The following SAE1 variants were observed in gnomAD, a reference collection of about 807,000 sequenced individuals.
SAE1 encodes the protein SUMO1 activating enzyme subunit 1.
SAE1 carries 11 observed loss-of-function variants against 40.6 expected under a neutral mutation model. The observed-to-expected ratio is 0.27, with a 90% CI of 0.17 to 0.45. The LOEUF is 0.45. Ranked by LOEUF, SAE1 falls within the 20% of genes least tolerant of loss-of-function variation. The probability of loss-of-function intolerance (pLI) is 1.00; values close to 1 mark genes in which losing one functional copy is unlikely to be tolerated. For missense variants in SAE1, 373 were observed against 427.3 expected (o/e 0.87, Z 1.12); for synonymous variants, 155 against 154.3 (o/e 1.00, Z -0.03).
chr19:47,209,472 T>C lies in SAE1; in HGVS notation c.*221T>C, dbSNP rs2123335572. 1.4e-6 allele frequency: 1 copy of C among 710,750 alleles called. No individual in the cohort carries two copies. The highest frequency in any genetic ancestry group is 2.8e-5 in the East Asian group (1 of 36,064). 44.0% of individuals were successfully genotyped at this position (710,750 alleles called of 1,614,324 possible). ...GGTGGCTGTCTTTGTTCCAGCACTGTTCAGGCTGCCTGTCATCCCGGGCCT... is the reference window on the plus strand; with the variant it reads ...GGTGGCTGTCTTTGTTCCAGCACTGCTCAGGCTGCCTGTCATCCCGGGCCT... On this transcript the variant is annotated 3_prime_UTR_variant, in exon 9 of 9. Transcript: ENST00000270225.
chr19:47,201,366 T>TTTTTTC (rs1358867229), intron 7 of SAE1, among the ~76,000 whole-genome samples: 1 of 72,964 alleles, frequency 1.4e-5, no homozygotes, highest in East Asian at 6.1e-4. Flanking sequence ...GTTCCTTTTT[T>TTTTTTC]TTTTTTTTTT....
rs78826976 is a variant in SAE1, at chr19:47,174,506, C to T, written c.733+4583C>T. ...CCACCTCCCAGGTTTAAGCAATTCTCCTGCCTCAGCCTTCTGAGTAGCTGG... is the reference window on the plus strand; with the variant it reads ...CCACCTCCCAGGTTTAAGCAATTCTTCTGCCTCAGCCTTCTGAGTAGCTGG... On this transcript the variant is annotated intron_variant, in intron 6 of 8. Transcript: ENST00000270225. 1.9e-4 allele frequency among the ~76,000 whole-genome samples: 28 copies of T among 151,346 alleles called. No individual in the cohort carries two copies. The East Asian group carries it at 5.2e-3, about 28-fold the overall frequency.
chr19:47,174,054 G>A (rs2123262312), intron 6 of SAE1, among the ~76,000 whole-genome samples: 1 of 152,086 alleles, frequency 6.6e-6, no homozygotes, highest in Admixed American at 6.6e-5. Context: ...AAAGTGCTGG[G>A]ATTACAGACG....
intron 8 of SAE1, 66 bp from the exon 9 acceptor site, chr19:47,209,093 A>AT (rs145110288): frequency 0.024 from 36,500 of 1,514,118 alleles, 441 homozygotes; most frequent in Non-Finnish European, 0.028. Context: ...TGCTTTTAGA[A>AT]TTTTTTTTTC....
intron 1 of SAE1, among the ~76,000 whole-genome samples, chr19:47,135,060 G>A (rs1368959164): frequency 6.6e-6 from 1 of 152,100 alleles, no homozygotes; most frequent in African/African-American, 2.4e-5. Flanking sequence ...TACATAGTAG[G>A]TGTATACATT....
chr19:47,149,547 T>G (rs969164765), intron 2 of SAE1, among the ~76,000 whole-genome samples: 6 of 152,156 alleles, frequency 3.9e-5, no homozygotes, highest in Non-Finnish European at 7.4e-5. Flanking sequence ...CCCAAATGCT[T>G]ATAGTTGGGC....
In SAE1 at chr19:47,171,561, C is replaced by T. The variant is rs182472860; in HGVS notation, c.733+1638C>T. 1.7e-3 allele frequency among the ~76,000 whole-genome samples: 252 copies of T among 152,250 alleles called. 2 individuals carry two copies. Among genetic ancestry groups the T allele is most frequent in the African/African-American group, 5.9e-3 (247 of 41,560 alleles). On this transcript the variant is annotated intron_variant, in intron 6 of 8. Transcript: ENST00000270225. ...CCACCTCCCAGGTTCAAGCGATTCT[C>T]CTGCCTCAGCATCCTGAGTAGCTGG...
chr19:47,161,660 C>T (rs1034761319), intron 5 of SAE1, among the ~76,000 whole-genome samples: 13 of 152,196 alleles, frequency 8.5e-5, no homozygotes, highest in Non-Finnish European at 1.9e-4. Context: ...CGCTCACCAT[C>T]ATAGACCTAC....
At chr19:47,191,998 G>A (rs1301540200) in intron 6 of SAE1, among the ~76,000 whole-genome samples, 1 of 150,938 alleles carries the variant, frequency 6.6e-6, no homozygotes, top group East Asian at 2.0e-4. Flanking sequence ...AGCTTGCAGT[G>A]AGCCGAGATC....
intron 2 of SAE1, among the ~76,000 whole-genome samples, chr19:47,146,146 T>G (rs1373842984): frequency 6.6e-6 from 1 of 151,982 alleles, no homozygotes; most frequent in Non-Finnish European, 1.5e-5. Flanking sequence ...AGTAGTTTGG[T>G]GTTTTTAGAG....
Position 47,130,952 on chromosome 19 carries a change from G to A in SAE1, c.22G>A (p.Gly8Ser). 6.5e-7 allele frequency: 1 copy of A among 1,550,162 alleles called. No individual in the cohort carries two copies. The highest frequency in any genetic ancestry group is 8.7e-7 in the Non-Finnish European group (1 of 1,146,586). Residue 8 changes from glycine (G) to serine (S), a missense_variant, in exon 1 of 9, where the codon GGC becomes AGC. Transcript: ENST00000270225. Reference sequence around the variant, plus strand: ...CGCCATGGTGGAGAAGGAGGAGGCTGGCGGCGGCATTAGCGAGGAGGAGGC... The same window carrying A: ...CGCCATGGTGGAGAAGGAGGAGGCTAGCGGCGGCATTAGCGAGGAGGAGGC... MVEKEEA[G>S]GGISEEEAAQ...
At chr19:47,164,642 T>A (rs1240577287) in intron 5 of SAE1, among the ~76,000 whole-genome samples, 1 of 124,964 alleles carries the variant, frequency 8.0e-6, no homozygotes, top group Non-Finnish European at 1.7e-5. Flanking sequence ...AATTCACCTT[T>A]TTTTTTTTTT....
rs577800991 is a variant in SAE1 at position 47,132,574 on chromosome 19, G to C, written c.98+1546G>C. 2.6e-5 allele frequency among the ~76,000 whole-genome samples: 4 copies of C among 151,826 alleles called. No homozygotes were observed. The South Asian group carries it at 8.3e-4, about 32-fold the overall frequency. ...TTACAGGCATGAGCTACCATGCCTG[G>C]CCTCATTGATCAATATTTTTACTTA... is the stretch of plus-strand genomic sequence containing the variant. On this transcript the variant is annotated intron_variant, in intron 1 of 8. Transcript: ENST00000270225.
At chr19:47,139,902 A>C (rs1369567360) in intron 1 of SAE1, among the ~76,000 whole-genome samples, 1 of 149,542 alleles carries the variant, frequency 6.7e-6, no homozygotes, top group Non-Finnish European at 1.5e-5. Context: ...TGCCCTGCTG[A>C]ATGTGTATCA....
chr19:47,205,982 G>A (rs763184414), intron 8 of SAE1, among the ~76,000 whole-genome samples: 13 of 152,180 alleles, frequency 8.5e-5, no homozygotes, highest in Non-Finnish European at 1.5e-4. Flanking sequence ...CCCCAGGGCC[G>A]CTGCCCTTGC....
intron 7 of SAE1, among the ~76,000 whole-genome samples, chr19:47,197,921 G>A (rs1322245380): frequency 6.6e-6 from 1 of 152,198 alleles, no homozygotes; most frequent in Non-Finnish European, 1.5e-5. Context: ...CATTTGGTCA[G>A]CATTGCCACC....
At chr19:47,142,160 G>C (rs1049753292) in intron 1 of SAE1, among the ~76,000 whole-genome samples, 1 of 151,970 alleles carries the variant, frequency 6.6e-6, no homozygotes, top group Non-Finnish European at 1.5e-5. Flanking sequence ...GAGGCAGGTG[G>C]ATCACTTGAG....
At chr19:47,157,485 C>A (rs1364827187) in intron 5 of SAE1, among the ~76,000 whole-genome samples, 1 of 152,216 alleles carries the variant, frequency 6.6e-6, no homozygotes, top group Non-Finnish European at 1.5e-5. Flanking sequence ...CTGATTGAGG[C>A]AGGTCTTTCA....
intron 2 of SAE1, among the ~76,000 whole-genome samples, chr19:47,149,126 A>G (rs1052568840): frequency 6.8e-6 from 1 of 147,438 alleles, no homozygotes; most frequent in Non-Finnish European, 1.5e-5. Context: ...TGCTGGGATT[A>G]CAGATGTGAG....
Sources: gnomAD v4.1 joint callset for allele counts (sites outside exome capture counted in the v4.1 genomes callset) on GRCh38, gnomAD v4.1.1 for gene constraint, MANE v1.5 for transcripts, NCBI Gene and HGNC (gene_info 2026-07-23, HGNC 2026-07-21) for gene names.